Variants in CDKAL1 observed in about 807,000 individuals in gnomAD.
CDKAL1 encodes the protein CDKAL1 threonylcarbamoyladenosine tRNA methylthiotransferase.
CDKAL1 carries 32 observed loss-of-function variants against 68.2 expected under a neutral mutation model. The ratio of observed to expected loss-of-function variants is 0.47; its 90% CI spans 0.35 to 0.63. The LOEUF (loss-of-function observed/expected upper bound fraction) is 0.63. Ranked by LOEUF, CDKAL1 falls within the 30% of genes least tolerant of loss-of-function variation. The pLI is 0.00. For synonymous variants in CDKAL1, 234 were observed against 244.3 expected, an observed-to-expected ratio of 0.96 and a Z score of 0.39; for missense variants, 606 against 696.7, an observed-to-expected ratio of 0.87 and a Z score of 1.47.
chr6:20,823,525 T>G (rs6923264), intron 8 of CDKAL1, among the ~76,000 whole-genome samples: 2 of 152,054 alleles, frequency 1.3e-5, no homozygotes, highest in African/African-American at 4.8e-5. Flanking sequence ...GAGTGCAGCT[T>G]GCTGCCAGTG....
intron 4 of CDKAL1, among the ~76,000 whole-genome samples, chr6:20,615,885 G>T (rs1766872548): frequency 7.1e-6 from 1 of 140,982 alleles, no homozygotes; most frequent in Non-Finnish European, 1.6e-5. Context: ...TAATGCCTAG[G>T]TTTTCTTCTA....
chr6:20,896,334 A>G (rs1442068484), intron 9 of CDKAL1, among the ~76,000 whole-genome samples: 4 of 152,036 alleles, frequency 2.6e-5, no homozygotes, highest in African/African-American at 7.2e-5. Context: ...TCTTGACCTC[A>G]TGATCCACCC....
chr6:21,221,467 G>A (rs1042822783), intron 15 of CDKAL1, among the ~76,000 whole-genome samples: 1 of 151,788 alleles, frequency 6.6e-6, no homozygotes, highest in African/African-American at 2.4e-5. Context: ...GGCTCCAGCA[G>A]TCCACCCACC....
At chr6:21,102,719 T>C (rs1461815002) in intron 12 of CDKAL1, among the ~76,000 whole-genome samples, 2 of 152,202 alleles carry the variant, frequency 1.3e-5, no homozygotes, top group East Asian at 1.9e-4. Flanking sequence ...CTCCAGTCTC[T>C]TTTGGAATTT....
chr6:20,554,580 G>A (rs1204325404), intron 4 of CDKAL1, among the ~76,000 whole-genome samples: 1 of 152,218 alleles, frequency 6.6e-6, no homozygotes, highest in Non-Finnish European at 1.5e-5. Flanking sequence ...TTTGTCTTAA[G>A]TGATTCTGAA....
chr6:21,217,663 A>G (rs1250416773), intron 15 of CDKAL1, among the ~76,000 whole-genome samples: 2 of 151,942 alleles, frequency 1.3e-5, no homozygotes, highest in African/African-American at 4.8e-5. Context: ...ACGCCTGGCT[A>G]ATTTTTATAT....
intron 9 of CDKAL1, among the ~76,000 whole-genome samples, chr6:20,862,636 TGTGTGTGTG>T (rs1759695065): frequency 1.1e-4 from 1 of 9,476 alleles, no homozygotes; most frequent in African/African-American, 1.7e-4. Context: ...CTTTCCAACT[TGTGTGTGTG>T]TGTGTGTGTG....
At chr6:21,023,521 G>A (rs1358395310) in intron 11 of CDKAL1, among the ~76,000 whole-genome samples, 1 of 152,116 alleles carries the variant, frequency 6.6e-6, no homozygotes, top group Admixed American at 6.6e-5. Flanking sequence ...AAGTACATAA[G>A]TCAAGCGGCT....
chr6:20,590,849 T>C (rs1765561772), intron 4 of CDKAL1, among the ~76,000 whole-genome samples: 1 of 152,242 alleles, frequency 6.6e-6, no homozygotes, highest in South Asian at 2.1e-4. Context: ...TAGAATGATT[T>C]ATAATCCTTT....
chr6:21,222,378 G>A (rs549813804), intron 15 of CDKAL1, among the ~76,000 whole-genome samples: 6 of 152,124 alleles, frequency 3.9e-5, no homozygotes, highest in South Asian at 2.1e-4. Flanking sequence ...CTCTAATTGC[G>A]TGACTGTGTG....
chr6:20,994,289 G>A (rs1256544398), intron 10 of CDKAL1, among the ~76,000 whole-genome samples: 4 of 152,160 alleles, frequency 2.6e-5, no homozygotes, highest in Non-Finnish European at 5.9e-5. Flanking sequence ...GACCAGCCTG[G>A]CCGATATGGT....
chr6:20,970,218 C>T (rs1765524005), intron 10 of CDKAL1, among the ~76,000 whole-genome samples: 2 of 152,092 alleles, frequency 1.3e-5, no homozygotes, highest in South Asian at 2.1e-4. Context: ...CAAGTGGCTT[C>T]CAGGCTGCTG....
chr6:20,553,970 G>T (rs929329303), intron 4 of CDKAL1, among the ~76,000 whole-genome samples: 25 of 147,588 alleles, frequency 1.7e-4, no homozygotes, highest in African/African-American at 5.1e-4. Context: ...CAGGTGTGCG[G>T]TACCATGCCT....
At chr6:20,867,119 C>G (rs1561842929) in intron 9 of CDKAL1, among the ~76,000 whole-genome samples, 1 of 152,148 alleles carries the variant, frequency 6.6e-6, no homozygotes, top group Non-Finnish European at 1.5e-5. Context: ...AGCTTGTACT[C>G]TTAGGCTCAA....
intron 5 of CDKAL1, among the ~76,000 whole-genome samples, chr6:20,675,348 A>G (rs1770040127): frequency 6.6e-6 from 1 of 152,298 alleles, no homozygotes; most frequent in Non-Finnish European, 1.5e-5. Context: ...GATGGTTCCT[A>G]TATAAATTTC....
intron 6 of CDKAL1, among the ~76,000 whole-genome samples, chr6:20,741,414 A>G (rs2150326824): frequency 6.6e-6 from 1 of 152,154 alleles, no homozygotes; most frequent in South Asian, 2.1e-4. Flanking sequence ...TTTATCACCT[A>G]GGTACTAAGC....
intron 5 of CDKAL1, among the ~76,000 whole-genome samples, chr6:20,736,897 G>A (rs1773221057): frequency 6.6e-6 from 1 of 152,070 alleles, no homozygotes; most frequent in African/African-American, 2.4e-5. Context: ...GAAGGGGAAT[G>A]TCGATGTCAA....
chr6:20,917,177 C>T lies in CDKAL1; in HGVS notation c.743-38242C>T, dbSNP rs909394215. Among the ~76,000 whole-genome samples the T allele has an allele frequency of 5.9e-5, 9 of 152,094 alleles. No homozygotes were observed. The South Asian group carries it at 1.5e-3, about 25-fold the overall frequency. On this transcript the variant is annotated intron_variant, in intron 9 of 15. Coordinates refer to ENST00000274695, the MANE Select transcript of CDKAL1 (RefSeq NM_017774.3). ...TGTATTTGTAGTAGAGATGTGGTTT[C>T]ACCATGTTGGCCAGGCTGATCTTGA... is the stretch of plus-strand genomic sequence containing the variant.
intron 10 of CDKAL1, among the ~76,000 whole-genome samples, chr6:20,991,270 G>A (rs1766778759): frequency 6.6e-6 from 1 of 152,182 alleles, no homozygotes; most frequent in South Asian, 2.1e-4. Flanking sequence ...GGCTTGAGGA[G>A]CAGTTATGGG....
Sources: allele counts gnomAD v4.1 joint callset (sites outside exome capture counted in the v4.1 genomes callset), GRCh38; gene constraint gnomAD v4.1.1; transcripts MANE v1.5; gene names NCBI Gene and HGNC (gene_info 2026-07-23, HGNC 2026-07-21).